RAD51B: variants seen among roughly 807,000 people sequenced by gnomAD.
RAD51B encodes RAD51 paralog B.
Under a neutral mutation model 42.2 loss-of-function variants are expected in RAD51B, and 38 were observed. That is an observed-to-expected ratio of 0.90 (90% CI 0.70 to 1.18). The LOEUF (loss-of-function observed/expected upper bound fraction) is 1.18. Ranked by LOEUF, RAD51B falls within the 50% of genes most tolerant of loss-of-function variation. RAD51B has a pLI of 0.00. For synonymous variants in RAD51B, 154 were observed against 145.2 expected (o/e 1.06, Z -0.43); for missense variants, 373 against 400.7 (o/e 0.93, Z 0.59).
intron 7 of RAD51B, among the ~76,000 whole-genome samples, chr14:68,188,072 C>T (rs1242381818): frequency 6.6e-6 from 1 of 152,180 alleles, no homozygotes. Flanking sequence ...GCCTCAGCCT[C>T]CCAAAGTGCT....
chr14:68,670,900 G>A (rs1185453140), intron 11 of RAD51B, among the ~76,000 whole-genome samples: 3 of 152,100 alleles, frequency 2.0e-5, no homozygotes, highest in African/African-American at 7.2e-5. Flanking sequence ...AATGCTACTA[G>A]CCAAGGCGAG....
intron 7 of RAD51B, among the ~76,000 whole-genome samples, chr14:68,031,991 G>C (rs2076052110): frequency 6.6e-6 from 1 of 151,838 alleles, no homozygotes; most frequent in African/African-American, 2.4e-5. Context: ...CCCAAATTCT[G>C]TATGTAGCCT....
rs145120692 is a variant in RAD51B at position 67,965,525 on chromosome 14, C to G, written c.756+78321C>G. Among the ~76,000 whole-genome samples, 348 of 152,180 alleles carry G rather than the reference C, an allele frequency of 2.3e-3. 1 individual carries two copies. Among genetic ancestry groups the G allele is most frequent in the African/African-American group, 8.1e-3 (337 of 41,512 alleles). ...TCTGGTTTAAAAACCTTTGATGGGT[C>G]CCCATTAACACATAAGGGATAAAGT... On this transcript the variant is annotated intron_variant, in intron 7 of 10. Transcript: ENST00000471583.
chr14:67,926,630 C>T (rs925877390), intron 7 of RAD51B, among the ~76,000 whole-genome samples: 1 of 120,238 alleles, frequency 8.3e-6, no homozygotes, highest in Non-Finnish European at 1.6e-5. Context: ...GTGGTGTGAT[C>T]TTGGCTCACT....
chr14:67,973,221 T>C lies in RAD51B; in HGVS notation c.756+86017T>C, dbSNP rs114588376. 7.2e-3 allele frequency among the ~76,000 whole-genome samples: 1,096 copies of C among 152,244 alleles called. 13 individuals are homozygous for C. Among genetic ancestry groups the C allele is most frequent in the African/African-American group, 0.025 (1,026 of 41,550 alleles). ...ACTGAAGTCTGTAAGTGAGCTTGAATTCAACCTGGAATCTGCTTTGACCTT... is the reference window on the plus strand; with the variant it reads ...ACTGAAGTCTGTAAGTGAGCTTGAACTCAACCTGGAATCTGCTTTGACCTT... On this transcript the variant is annotated intron_variant, in intron 7 of 10. Coordinates refer to ENST00000471583, the MANE Select transcript of RAD51B (RefSeq NM_133510.4).
At chr14:68,375,983 AC>A (rs1197097625) in intron 8 of RAD51B, among the ~76,000 whole-genome samples, 1 of 149,736 alleles carries the variant, frequency 6.7e-6, no homozygotes, top group Non-Finnish European at 1.5e-5. Flanking sequence ...ACTCCTAGGG[AC>A]CCAGGGGCCT....
At chr14:68,456,395 A>G (rs1301936262) in intron 9 of RAD51B, among the ~76,000 whole-genome samples, 1 of 152,230 alleles carries the variant, frequency 6.6e-6, no homozygotes, top group Non-Finnish European at 1.5e-5. Context: ...AGATGGAAAA[A>G]TACATGTCAT....
intron 7 of RAD51B, among the ~76,000 whole-genome samples, chr14:67,948,211 C>G (rs1463860469): frequency 6.6e-6 from 1 of 152,126 alleles, no homozygotes; most frequent in Non-Finnish European, 1.5e-5. Flanking sequence ...ATGGACTCTC[C>G]TAAGAGTGAG....
At chr14:68,155,341 G>A (rs2767386) in intron 7 of RAD51B, among the ~76,000 whole-genome samples, 2,362 of 151,898 alleles carry the variant, frequency 0.016, 48 homozygotes, top group African/African-American at 0.052. Flanking sequence ...ACAGGTGCCC[G>A]CCACCATGCC....
chr14:68,611,294 C>T lies in RAD51B; in HGVS notation c.*47C>T, dbSNP rs764321321. On this transcript the variant is annotated 3_prime_UTR_variant, in exon 11 of 11. Coordinates refer to the RAD51B transcript ENST00000487861. ...GACTTCCAGATCTACATTTAACATCCGACAGCAACTATAATTCTACTTTCT... is the reference window on the plus strand; with the variant it reads ...GACTTCCAGATCTACATTTAACATCTGACAGCAACTATAATTCTACTTTCT... 514 of 699,754 alleles carry T rather than the reference C, an allele frequency of 7.3e-4. 1 individual carries two copies. The highest frequency in any genetic ancestry group is 2.2e-3 in the South Asian group (149 of 67,394). The allele number at this position is 699,754 out of a possible 1,614,324, so 43.3% of individuals were successfully genotyped here.
rs1421846754 is a variant in RAD51B at position 68,565,362 on chromosome 14, T to A, written c.1037-29123T>A. Among the ~76,000 whole-genome samples, 1 of 152,168 alleles carries A rather than the reference T, an allele frequency of 6.6e-6. No individual in the cohort carries two copies. The highest frequency in any genetic ancestry group is 1.5e-5 in the Non-Finnish European group (1 of 68,032). On this transcript the variant is annotated intron_variant, in intron 10 of 10. Coordinates refer to the RAD51B transcript ENST00000487270. The surrounding 1 kb of genome is among the most constrained non-coding windows in gnomAD (Gnocchi z 4.1). Reference sequence around the variant, plus strand: ...GCAAAAGGTGACTTAGAGGTGTTTGTTCAATAATGCGAGGAGACTCATTAC... The same window carrying A: ...GCAAAAGGTGACTTAGAGGTGTTTGATCAATAATGCGAGGAGACTCATTAC...
In RAD51B at chr14:67,861,469, T is replaced by G. The variant is rs2042159971; in HGVS notation, c.316-3534T>G. Among the ~76,000 whole-genome samples, 5 of 149,716 alleles carry G rather than the reference T, an allele frequency of 3.3e-5. 1 individual carries two copies. The South Asian group carries it at 1.0e-3, about 31-fold the overall frequency. Reference sequence around the variant, plus strand: ...GCCTGGGCAACATGGTGAAACCCAGTCTCTATGAAAAAAAAAGCTGGGCAT... The same window carrying G: ...GCCTGGGCAACATGGTGAAACCCAGGCTCTATGAAAAAAAAAGCTGGGCAT... On this transcript the variant is annotated intron_variant, in intron 4 of 10. Coordinates refer to ENST00000471583, the MANE Select transcript of RAD51B (RefSeq NM_133510.4).
At chr14:68,625,719 G>C (rs1026611427) in intron 10 of RAD51B, among the ~76,000 whole-genome samples, 2 of 152,166 alleles carry the variant, frequency 1.3e-5, no homozygotes, top group South Asian at 4.1e-4. Context: ...TGGGCAGATG[G>C]GGGAGGTCTT....
chr14:68,085,956 C>G (rs892885856), intron 7 of RAD51B, among the ~76,000 whole-genome samples: 14 of 152,154 alleles, frequency 9.2e-5, no homozygotes, highest in Admixed American at 9.2e-4. Context: ...CCCCAGTGGG[C>G]GTGTGTCACA....
intron 4 of RAD51B, among the ~76,000 whole-genome samples, chr14:67,861,809 AAC>A (rs1284320110): frequency 2.0e-5 from 3 of 152,186 alleles, no homozygotes; most frequent in African/African-American, 7.2e-5. Context: ...CTGGGATAAA[AAC>A]ACAGAATGTT....
chr14:68,172,657 C>T (rs1018279504), intron 7 of RAD51B, among the ~76,000 whole-genome samples: 11 of 152,088 alleles, frequency 7.2e-5, no homozygotes, highest in Admixed American at 3.9e-4. Flanking sequence ...AAAAAAAGCC[C>T]TTAAAGAAAG....
chr14:68,050,030 T>A lies in RAD51B; in HGVS notation c.756+162826T>A, dbSNP rs528551658. Among the ~76,000 whole-genome samples the A allele has an allele frequency of 8.5e-5, 13 of 152,334 alleles. No individual in the cohort carries two copies. The East Asian group carries it at 2.5e-3, about 29-fold the overall frequency. ...GTCTAGAAAATCCTTACTTTACAATTTATTTAAATCTTTCTAATCTTAAGT... is the reference window on the plus strand; with the variant it reads ...GTCTAGAAAATCCTTACTTTACAATATATTTAAATCTTTCTAATCTTAAGT... On this transcript the variant is annotated intron_variant, in intron 7 of 10. Transcript: ENST00000471583.
chr14:68,638,503 G>A (rs948697351), intron 10 of RAD51B, among the ~76,000 whole-genome samples: 3 of 152,146 alleles, frequency 2.0e-5, no homozygotes, highest in African/African-American at 4.8e-5. Context: ...GTGCTGGGAG[G>A]AGGGAGATGG....
chr14:67,834,186 A>G (rs2041152695), intron 3 of RAD51B, among the ~76,000 whole-genome samples: 1 of 151,964 alleles, frequency 6.6e-6, no homozygotes, highest in African/African-American at 2.4e-5. Context: ...TTCTCTCTCT[A>G]TACCATCTTC....
Sources: allele counts gnomAD v4.1 joint callset (sites outside exome capture counted in the v4.1 genomes callset), GRCh38; gene constraint gnomAD v4.1.1; non-coding constraint Gnocchi (gnomAD v3.1); transcripts MANE v1.5; gene names NCBI Gene and HGNC (gene_info 2026-07-23, HGNC 2026-07-21).